The following SORL1 variants were observed in gnomAD, a reference collection of about 807,000 sequenced individuals.
SORL1 encodes sortilin related receptor 1.
SORL1 carries 127 observed loss-of-function variants against 273.7 expected under a neutral mutation model. The ratio of observed to expected loss-of-function variants is 0.46; its 90% CI spans 0.40 to 0.54. The LOEUF is 0.54. Ranked by LOEUF, SORL1 falls within the 20% of genes least tolerant of loss-of-function variation. The pLI is 0.00. For synonymous variants in SORL1, 1,031 were observed against 1,067.4 expected, an observed-to-expected ratio of 0.97 and a Z score of 0.66; for missense variants, 2,494 against 2,846.1, an observed-to-expected ratio of 0.88 and a Z score of 2.81.
At position 121,576,087 on chromosome 11, in the gene SORL1, C is replaced by T. The variant is rs1862926421; in HGVS notation, c.3461-1194C>T. ...CGGCTGCCTTGGGCCCCACGCTTGG[C>T]TGCTCCTGTTTTCTGACGCTCTGTA... On this transcript the variant is annotated intron_variant, in intron 24 of 47. Coordinates refer to ENST00000260197, the MANE Select transcript of SORL1 (RefSeq NM_003105.6). 1.3e-5 allele frequency among the ~76,000 whole-genome samples: 2 copies of T among 152,224 alleles called. 1 individual carries two copies. Among genetic ancestry groups the T allele is most frequent in the South Asian group, 4.1e-4 (2 of 4,836 alleles).
At chr11:121,458,996 A>G (rs185223565) in intron 1 of SORL1, among the ~76,000 whole-genome samples, 107 of 152,360 alleles carry the variant, frequency 7.0e-4, no homozygotes, top group African/African-American at 2.4e-3. Flanking sequence ...TAATGGTAAC[A>G]TCCATGCCCA....
intron 25 of SORL1, among the ~76,000 whole-genome samples, chr11:121,577,797 G>A (rs1191467076): frequency 3.3e-5 from 5 of 152,210 alleles, no homozygotes; most frequent in African/African-American, 1.2e-4. Context: ...TGTAAACTGT[G>A]TTTGTACCCG....
rs118144157 is a variant in SORL1, at chr11:121,497,919, A to G, written c.939+870A>G. Among the ~76,000 whole-genome samples the G allele has an allele frequency of 3.3e-5, 5 of 152,236 alleles. No individual in the cohort carries two copies. In the East Asian group the frequency reaches 7.7e-4, roughly 24 times the overall value. Reference sequence around the variant, plus strand: ...ACGTAATCTTTTCCTTCAGATTCTCATTTACTTCTATAATTGGTAGCAGGC... The same window carrying G: ...ACGTAATCTTTTCCTTCAGATTCTCGTTTACTTCTATAATTGGTAGCAGGC... On this transcript the variant is annotated intron_variant, in intron 6 of 47. Coordinates refer to ENST00000260197, the MANE Select transcript of SORL1 (RefSeq NM_003105.6).
Position 121,629,978 on chromosome 11 carries a change from G to C in SORL1, c.*415G>C, listed in dbSNP as rs78371549. 1,199 of 181,908 alleles carry C rather than the reference G, an allele frequency of 6.6e-3. 22 individuals are homozygous for C. The highest frequency in any genetic ancestry group is 0.026 in the African/African-American group (1,077 of 41,974). The allele number at this position is 181,908 out of a possible 1,614,324, so 11.3% of individuals were successfully genotyped here. ...AAAGTGTGTACAGATATTCCATTTT[G>C]TTTGGATATAGTTTATAGGAAAGTG... On this transcript the variant is annotated 3_prime_UTR_variant, in exon 48 of 48. Coordinates refer to ENST00000260197, the MANE Select transcript of SORL1 (RefSeq NM_003105.6).
In SORL1 at chr11:121,543,597, A is replaced by T; in HGVS notation, c.1735A>T (p.Lys579Ter). Residue 579 changes from lysine to a stop codon, truncating the protein, a stop_gained, in exon 13 of 48, where the codon AAG (lysine) becomes TAG (stop). Transcript: ENST00000260197. LOFTEE classifies it high-confidence loss of function. ...ETWKTFIFSE[K>*]PVFVYGLLTE... ...CTGGAAAACATTCATCTTCTCTGAG[A>T]AGCCAGTGTTTGTGTATGGCCTCCT... 1 of 1,614,120 alleles carries T rather than the reference A, an allele frequency of 6.2e-7. No individual in the cohort carries two copies. Among genetic ancestry groups the T allele is most frequent in the Non-Finnish European group, 8.5e-7 (1 of 1,179,942 alleles).
At chr11:121,626,327 C>G (rs1304462629) in intron 46 of SORL1, 2 of 152,368 alleles carry the variant, frequency 1.3e-5, no homozygotes, top group East Asian at 1.9e-4. Flanking sequence ...GGAGGGCACT[C>G]CTTCCTGGAG....
chr11:121,455,243 A>G (rs1359164157), intron 1 of SORL1, among the ~76,000 whole-genome samples: 1 of 152,066 alleles, frequency 6.6e-6, no homozygotes, highest in Non-Finnish European at 1.5e-5. Context: ...ACCAGCCACA[A>G]CTCTACAATG....
At position 121,522,992 on chromosome 11, in the gene SORL1, C is replaced by T; in HGVS notation, c.1596+3C>T. 6.3e-7 allele frequency: 1 copy of T among 1,599,816 alleles called. No homozygotes were observed. The highest frequency in any genetic ancestry group is 1.3e-5 in the African/African-American group (1 of 74,756). On this transcript the variant is annotated splice_donor_region_variant and intron_variant, in intron 11 of 47. Transcript: ENST00000260197. ...GTGCTGGAGCCAGGTGGCGAGAGGT[C>T]AGCCCCCTCCCCCAATCCCGTCCCC...
chr11:121,483,565 T>C (rs532898523), intron 3 of SORL1, among the ~76,000 whole-genome samples: 1 of 152,326 alleles, frequency 6.6e-6, no homozygotes, highest in African/African-American at 2.4e-5. Flanking sequence ...AGGAGGAAGC[T>C]CCTCTGGAAT....
In SORL1 at chr11:121,608,160, C is replaced by T; in HGVS notation, c.5223C>T (p.Thr1741=). The change falls in exon 38 of 48, where the codon ACC becomes ACT. Residue 1741 remains threonine, a synonymous_variant. Transcript: ENST00000260197. ...ACTGGAGCGATTCTAAATCCATTACCACCATAAAAGGAAAAGGTAAATGAT... is the reference window on the plus strand; with the variant it reads ...ACTGGAGCGATTCTAAATCCATTACTACCATAAAAGGAAAAGGTAAATGAT... ...IGNWSDSKSI[T]TIKGKVIPPP... 6.2e-7 allele frequency: 1 copy of T among 1,613,446 alleles called. No individual in the cohort carries two copies. The highest frequency in any genetic ancestry group is 8.5e-7 in the Non-Finnish European group (1 of 1,179,414).
intron 2 of SORL1, among the ~76,000 whole-genome samples, chr11:121,472,657 G>A (rs1241204828): frequency 2.0e-5 from 3 of 152,154 alleles, no homozygotes; most frequent in Non-Finnish European, 4.4e-5. Context: ...ATTTGGGTGT[G>A]TCTAACTAAG....
intron 21 of SORL1, among the ~76,000 whole-genome samples, chr11:121,564,308 C>T (rs1433700735): frequency 2.6e-5 from 4 of 152,180 alleles, no homozygotes; most frequent in East Asian, 1.9e-4. Flanking sequence ...CCTGCCCCTG[C>T]CTACCTCTTA....
chr11:121,543,791 C>A, intron 13 of SORL1, 65 bp downstream of exon 13: 1 of 1,462,344 alleles, frequency 6.8e-7, no homozygotes, highest in South Asian at 1.2e-5. Flanking sequence ...ATGTGCAAAG[C>A]ACCAGCTTAG....
In SORL1 at chr11:121,550,452, C is replaced by T. The variant is rs1862490374; in HGVS notation, c.2181-133C>T. ...GAACTGACTCAGAACTACGAACATC[C>T]TCTTTCTAGTTCTAAAGAGAAATGA... On this transcript the variant is annotated intron_variant, in intron 15 of 47. Transcript: ENST00000260197. The surrounding 1 kb of genome is among the most constrained non-coding windows in gnomAD (Gnocchi z 5.3). The T allele has an allele frequency of 1.2e-6, 1 of 801,954 alleles. No individual in the cohort carries two copies. The highest frequency in any genetic ancestry group is 1.7e-5 in the African/African-American group (1 of 58,860). The allele number at this position is 801,954 out of a possible 1,614,324, so 49.7% of individuals were successfully genotyped here. A position where few individuals can be genotyped will look rare whatever the true frequency, so the allele number is the denominator to read the frequency against.
chr11:121,464,313 G>A (rs756067801), intron 1 of SORL1, among the ~76,000 whole-genome samples: 3 of 152,122 alleles, frequency 2.0e-5, no homozygotes, highest in East Asian at 1.9e-4. Flanking sequence ...TACAGATTTC[G>A]GTGGTTTTAT....
At chr11:121,616,332 T>C (rs568389727) in intron 41 of SORL1, among the ~76,000 whole-genome samples, 96 of 152,324 alleles carry the variant, frequency 6.3e-4, no homozygotes, top group African/African-American at 2.1e-3. Flanking sequence ...TGAGATCACC[T>C]GTAGGAAGCT....
At chr11:121,475,347 A>G (rs80202935) in intron 2 of SORL1, among the ~76,000 whole-genome samples, 423 of 152,322 alleles carry the variant, frequency 2.8e-3, no homozygotes, top group African/African-American at 9.6e-3. Context: ...TGGCCAAGGG[A>G]AGGAAAGTTG....
In SORL1 at chr11:121,633,546, A is replaced by G. The variant is rs1390515959; in HGVS notation, c.*3983A>G. 6.6e-6 allele frequency: 1 copy of G among 152,246 alleles called. No homozygotes were observed. The highest frequency in any genetic ancestry group is 1.5e-5 in the Non-Finnish European group (1 of 68,050). 9.4% of individuals were successfully genotyped at this position (152,246 alleles called of 1,614,324 possible). A position where few individuals can be genotyped will look rare whatever the true frequency, so the allele number is the denominator to read the frequency against. On this transcript the variant is annotated 3_prime_UTR_variant, in exon 48 of 48. Coordinates refer to ENST00000260197, the MANE Select transcript of SORL1 (RefSeq NM_003105.6). Reference sequence around the variant, plus strand: ...GCGAAATTAAGTATTTATAATTTCAATTGCCTCGATAAGTTTCCAAGTCAC... The same window carrying G: ...GCGAAATTAAGTATTTATAATTTCAGTTGCCTCGATAAGTTTCCAAGTCAC...
In SORL1 at chr11:121,601,040, T is replaced by TC. The variant is rs1266188677; in HGVS notation, c.4520-3147dup. Among the ~76,000 whole-genome samples, 93 of 89,612 alleles carry TC rather than the reference T, an allele frequency of 1.0e-3. 1 individual carries two copies. The highest frequency in any genetic ancestry group is 3.9e-3 in the African/African-American group (88 of 22,358). The allele number at this position is 89,612 out of a possible 152,430, so 58.8% of individuals were successfully genotyped here. A position where few individuals can be genotyped will look rare whatever the true frequency, so the allele number is the denominator to read the frequency against. ...TAGGTATATCTCCCAGTGCTATCCC[T>TC]CCCCCCTCCCCCCACCCCACAACAG... On this transcript the variant is annotated intron_variant, in intron 32 of 47. Coordinates refer to ENST00000260197, the MANE Select transcript of SORL1 (RefSeq NM_003105.6).
Sources: allele counts gnomAD v4.1 joint callset (sites outside exome capture counted in the v4.1 genomes callset), GRCh38; gene constraint gnomAD v4.1.1; non-coding constraint Gnocchi (gnomAD v3.1); transcripts MANE v1.5; gene names NCBI Gene and HGNC (gene_info 2026-07-23, HGNC 2026-07-21).